The following ALMS1 variants were observed in gnomAD, a reference collection of about 807,000 sequenced individuals.
ALMS1 encodes the protein centrosome-associated protein ALMS1.
A neutral mutation model predicts 352.2 loss-of-function variants in ALMS1; 271 were observed. The observed-to-expected ratio is 0.77, with a 90% confidence interval of 0.70 to 0.85. ALMS1 has a LOEUF of 0.85. Among genes scored for constraint, ALMS1 ranks in the 40% least tolerant of loss-of-function variants. The probability of loss-of-function intolerance (pLI) is 0.00; values close to 1 mark genes in which losing one functional copy is unlikely to be tolerated. For missense variants in ALMS1, 5,445 were observed against 4,870.7 expected, an observed-to-expected ratio of 1.12 and a Z score of -3.51; for synonymous variants, 1,865 against 1,761.2, an observed-to-expected ratio of 1.06 and a Z score of -1.48.
chr2:73,588,589 G>T (rs1400045825), intron 16 of ALMS1, among the ~76,000 whole-genome samples: 1 of 151,886 alleles, frequency 6.6e-6, no homozygotes, highest in Non-Finnish European at 1.5e-5. Flanking sequence ...GGGGGAGAAG[G>T]GATAGTTTAC....
intron 10 of ALMS1, among the ~76,000 whole-genome samples, chr2:73,508,801 G>A (rs1673389463): frequency 6.6e-6 from 1 of 152,108 alleles, no homozygotes; most frequent in Non-Finnish European, 1.5e-5. Flanking sequence ...TCGTTGATTT[G>A]TCTAATATTG....
At chr2:73,514,550 C>G (rs1423185595) in intron 10 of ALMS1, among the ~76,000 whole-genome samples, 1 of 151,992 alleles carries the variant, frequency 6.6e-6, no homozygotes, top group Admixed American at 6.6e-5. Context: ...ACATTCTTTT[C>G]CATATATATG....
chr2:73,514,861 C>T (rs1300980734), intron 10 of ALMS1, among the ~76,000 whole-genome samples: 1 of 152,104 alleles, frequency 6.6e-6, no homozygotes, highest in Non-Finnish European at 1.5e-5. Context: ...TGTTGAAAGG[C>T]CAAGTGTCGT....
At chr2:73,521,766 G>A (rs957359867) in intron 11 of ALMS1, among the ~76,000 whole-genome samples, 1 of 151,414 alleles carries the variant, frequency 6.6e-6, no homozygotes, top group Non-Finnish European at 1.5e-5. Context: ...CAAAAAAAAA[G>A]CATATTTTAA....
intron 9 of ALMS1, among the ~76,000 whole-genome samples, chr2:73,472,631 C>T (rs116200280): frequency 6.6e-6 from 1 of 152,004 alleles, no homozygotes; most frequent in African/African-American, 2.4e-5. Flanking sequence ...AAGTAGGGAG[C>T]TGTAGCGCTG....
chr2:73,589,015 A>G lies in ALMS1; in HGVS notation c.11548-10386A>G, dbSNP rs556781656. Among the ~76,000 whole-genome samples the G allele has an allele frequency of 1.1e-4, 17 of 152,264 alleles. No individual in the cohort carries two copies. In the South Asian group the frequency reaches 2.7e-3, roughly 24 times the overall value. On this transcript the variant is annotated intron_variant, in intron 16 of 22. Coordinates refer to ENST00000613296, the MANE Select transcript of ALMS1 (RefSeq NM_001378454.1). ...TCCAAATATACATACCTATGTGTAT[A>G]TATATATACGTATACATATCAGTAT...
chr2:73,449,328 T>G lies in ALMS1; in HGVS notation c.2801T>G (p.Val934Gly), dbSNP rs1390087434. The change falls in exon 8 of 23, where the codon GTT (valine) becomes GGT (glycine). Residue 934 changes from valine to glycine, a missense_variant. Val to Gly is a moderately radical substitution (Grantham distance 109). Transcript: ENST00000613296. ...DFLFPEEALK[V>G]SAVSVLAAQK... ...CTTTTCCCTGAAGAAGCTCTGAAGG[T>G]TTCAGCTGTTTCTGTATTGGCTGCC... 5.6e-6 allele frequency: 9 copies of G among 1,613,924 alleles called. No individual in the cohort carries two copies. The highest frequency in any genetic ancestry group is 7.6e-6 in the Non-Finnish European group (9 of 1,179,988).
intron 15 of ALMS1, among the ~76,000 whole-genome samples, chr2:73,565,482 A>C (rs1300406831): frequency 2.0e-5 from 3 of 152,250 alleles, no homozygotes; most frequent in Non-Finnish European, 2.9e-5. Flanking sequence ...AAATCTGTGC[A>C]GAATTCTAAA....
intron 10 of ALMS1, among the ~76,000 whole-genome samples, chr2:73,504,570 T>A (rs746281398): frequency 6.6e-6 from 1 of 152,212 alleles, no homozygotes; most frequent in African/African-American, 2.4e-5. Flanking sequence ...TTACTCAGCA[T>A]ACTCACCTGG....
chr2:73,454,642 C>T (rs1254677459), intron 8 of ALMS1, among the ~76,000 whole-genome samples: 1 of 152,002 alleles, frequency 6.6e-6, no homozygotes, highest in Non-Finnish European at 1.5e-5. Flanking sequence ...TCATTAATTT[C>T]TAATAGAATT....
At chr2:73,406,703 C>T (rs1402973084) in intron 1 of ALMS1, among the ~76,000 whole-genome samples, 1 of 152,110 alleles carries the variant, frequency 6.6e-6, no homozygotes, top group Non-Finnish European at 1.5e-5. Flanking sequence ...GCTTTGCCCC[C>T]CAACCTCCAC....
At chr2:73,386,597 G>C (rs1670539548) in intron 1 of ALMS1, among the ~76,000 whole-genome samples, 1 of 152,106 alleles carries the variant, frequency 6.6e-6, no homozygotes, top group Admixed American at 6.5e-5. Context: ...CTGAATTGCA[G>C]GACTCCCCTG....
chr2:73,507,484 C>T (rs1431073736), intron 10 of ALMS1, among the ~76,000 whole-genome samples: 1 of 152,146 alleles, frequency 6.6e-6, no homozygotes, highest in African/African-American at 2.4e-5. Flanking sequence ...GATTTGACTT[C>T]TTCCTGGTTT....
chr2:73,424,298 G>T, intron 4 of ALMS1, 132 bp from the exon 5 acceptor site: 2 of 610,114 alleles, frequency 3.3e-6, no homozygotes, highest in South Asian at 3.6e-5. Flanking sequence ...TCTGAAATTA[G>T]GAGAGCTGTG....
chr2:73,462,908 T>C (rs528241432), intron 9 of ALMS1: 1 of 151,980 alleles, frequency 6.6e-6, no homozygotes, highest in South Asian at 2.1e-4. Context: ...AAGAACTAAC[T>C]ATCTTAAATA....
rs541122374 is a variant in ALMS1 at position 73,449,401 on chromosome 2, C to A, written c.2874C>A (p.Ser958Arg). The A allele has an allele frequency of 6.2e-7, 1 of 1,613,960 alleles. No individual in the cohort carries two copies. Among genetic ancestry groups the A allele is most frequent in the Non-Finnish European group, 8.5e-7 (1 of 1,179,914 alleles). Reference sequence around the variant, plus strand: ...TGTCCTCTAATTCTCACTCACATAGCGAGAAATCTAGTGTTTTCTACCAGC... The same window carrying A: ...TGTCCTCTAATTCTCACTCACATAGAGAGAAATCTAGTGTTTTCTACCAGC... ...PTVSSNSHSHSEKSSVFYQQE... is the reference protein window; with the variant it reads ...PTVSSNSHSHREKSSVFYQQE... The change falls in exon 8 of 23, where the codon AGC (serine) becomes AGA (arginine). Residue 958 changes from serine (S) to arginine (R), a missense_variant. Ser to Arg is a moderately radical substitution (Grantham distance 110). Transcript: ENST00000613296.
Position 73,386,046 on chromosome 2 carries a change from T to A in ALMS1, c.178T>A (p.Tyr60Asn). 1 of 1,577,038 alleles carries A rather than the reference T, an allele frequency of 6.3e-7. No individual in the cohort carries two copies. Among genetic ancestry groups the A allele is most frequent in the Non-Finnish European group, 8.6e-7 (1 of 1,161,866 alleles). Residue 60 changes from tyrosine to asparagine, a missense_variant, in exon 1 of 23, where the codon TAC becomes AAC. Physicochemically the swap from Tyr to Asn is moderately radical, Grantham distance 143. Coordinates refer to ENST00000613296, the MANE Select transcript of ALMS1 (RefSeq NM_001378454.1). ...GCGGGAGTTGGACTCCGACTCTCAC[T>A]ACGGGCCCCAGCATCTGGAAAGTAT... ...AGRELDSDSH[Y>N]GPQHLESIDD...
chr2:73,507,762 G>C (rs560309380), intron 10 of ALMS1, among the ~76,000 whole-genome samples: 1 of 151,924 alleles, frequency 6.6e-6, no homozygotes, highest in African/African-American at 2.4e-5. Context: ...AGGGTTTTTC[G>C]TGTCTCTATT....
intron 15 of ALMS1, among the ~76,000 whole-genome samples, chr2:73,560,800 G>A (rs1674643630): frequency 6.6e-6 from 1 of 152,194 alleles, no homozygotes; most frequent in South Asian, 2.1e-4. Context: ...ATTATACTAA[G>A]TAAAATAAAT....
Sources: allele counts gnomAD v4.1 joint callset (sites outside exome capture counted in the v4.1 genomes callset), GRCh38; gene constraint gnomAD v4.1.1; transcripts MANE v1.5; gene names NCBI Gene and HGNC (gene_info 2026-07-23, HGNC 2026-07-21).